Variants in AARS1 observed in about 807,000 individuals in gnomAD.
AARS1 encodes alanyl-tRNA synthetase 1.
In AARS1, 72 loss-of-function variants were observed where a neutral mutation model predicts 108.9. The ratio of observed to expected loss-of-function variants is 0.66; its 90% CI spans 0.55 to 0.80. The LOEUF (loss-of-function observed/expected upper bound fraction) is 0.80. Among genes scored for constraint, AARS1 ranks in the 30% least tolerant of loss-of-function variants. The pLI, the probability that AARS1 is intolerant of heterozygous loss-of-function variation, is 0.00. For missense variants in AARS1, 1,193 were observed against 1,233.2 expected (o/e 0.97, Z 0.49); for synonymous variants, 489 against 465.7 (o/e 1.05, Z -0.64).
intron 3 of AARS1, 131 bp from the exon 4 acceptor site, chr16:70,276,762 T>G (rs970101153): frequency 1.6e-6 from 2 of 1,239,012 alleles, no homozygotes; most frequent in Non-Finnish European, 2.3e-6. Context: ...AAGATCAGTT[T>G]ATGTAAGAAA....
intron 9 of AARS1, 36 bp downstream of exon 9, chr16:70,267,623 C>T (rs756156100): frequency 1.9e-5 from 31 of 1,613,462 alleles, no homozygotes; most frequent in Non-Finnish European, 2.6e-5. Flanking sequence ...AAAGATCAAA[C>T]GGCCAGGATG....
intron 1 of AARS1, among the ~76,000 whole-genome samples, chr16:70,287,333 CAGG>C (rs1362432173): frequency 6.7e-6 from 1 of 149,596 alleles, no homozygotes; most frequent in African/African-American, 2.5e-5. Context: ...GAGGCTGAGT[CAGG>C]AGAATTGCTT....
chr16:70,277,758 C>CTTT (rs573677725), intron 2 of AARS1, among the ~76,000 whole-genome samples: 1 of 137,820 alleles, frequency 7.3e-6, no homozygotes. Flanking sequence ...CCACTAGACA[C>CTTT]TTTTTTTTTT....
At chr16:70,267,027 G>C (rs1393572005) in intron 9 of AARS1, among the ~76,000 whole-genome samples, 1 of 152,018 alleles carries the variant, frequency 6.6e-6, no homozygotes. Context: ...TAGTAGAGAC[G>C]GGGTTTTGCC....
rs567974757 is a variant in AARS1 at position 70,254,302 on chromosome 16, G to A, written c.2401-264C>T. The A allele has an allele frequency of 1.5e-5, 9 of 595,300 alleles. No homozygotes were observed. The East Asian group carries it at 2.0e-4, about 13-fold the overall frequency. 36.9% of individuals were successfully genotyped at this position (595,300 alleles called of 1,614,324 possible). ...ACAGCCTGTGATAAGCTTCCTGGCAGCTTGAAATGCAAATAAATACCAGGC... is the reference window on the plus strand; with the variant it reads ...ACAGCCTGTGATAAGCTTCCTGGCAACTTGAAATGCAAATAAATACCAGGC... On this transcript the variant is annotated intron_variant, in intron 17 of 20. Transcript: ENST00000261772.
At chr16:70,276,006 G>T (rs1019353298) in intron 4 of AARS1, 1 of 148,530 alleles carries the variant, frequency 6.7e-6, no homozygotes, top group Non-Finnish European at 1.5e-5. Context: ...GAGGTCAGGA[G>T]TTCGAGACCA....
At chr16:70,260,940 G>C (rs1960117404) in intron 13 of AARS1, 104 bp downstream of exon 13, 2 of 880,566 alleles carry the variant, frequency 2.3e-6, no homozygotes. Flanking sequence ...GGGATTACAA[G>C]TGTGAGCCAC....
intron 7 of AARS1, among the ~76,000 whole-genome samples, chr16:70,269,322 G>GAAAAAAAAAAAAAAAAAAA (rs56394253): frequency 1.7e-4 from 11 of 64,264 alleles, no homozygotes; most frequent in African/African-American, 7.2e-4. Context: ...TTCTGTCTCA[G>GAAAAAAAAAAAAAAAAAAA]AAAAAAAAAA....
intron 15 of AARS1, among the ~76,000 whole-genome samples, chr16:70,256,992 G>A (rs183515308): frequency 6.6e-6 from 1 of 152,152 alleles, no homozygotes; most frequent in African/African-American, 2.4e-5. Context: ...GCTCACACCT[G>A]TAATCCCAGC....
At position 70,269,717 on chromosome 16, in the gene AARS1, G is replaced by A. The variant is rs1484497128; in HGVS notation, c.863C>T (p.Ala288Val). ...PYTGKVGAED[A>V]DGIDMAYRVL... ...CCGGTAGGCCATGTCAATCCCATCG[G>A]CATCCTCAGCACCAACTTTCCCAGT... The change falls in exon 7 of 21, where the codon GCC becomes GTC. Residue 288 changes from alanine to valine, a missense_variant. Ala to Val is a moderately conservative substitution (Grantham distance 64). Transcript: ENST00000261772. 1.2e-6 allele frequency: 2 copies of A among 1,614,092 alleles called. No individual in the cohort carries two copies. Among genetic ancestry groups the A allele is most frequent in the South Asian group, 2.2e-5 (2 of 91,074 alleles).
chr16:70,271,934 T>C lies in AARS1; in HGVS notation c.518A>G (p.Asp173Gly), dbSNP rs765398055. The C allele has an allele frequency of 3.3e-5, 54 of 1,614,006 alleles. No individual in the cohort carries two copies. Among genetic ancestry groups the C allele is most frequent in the Non-Finnish European group, 3.4e-6 (4 of 1,180,032 alleles). ...DTKILPGNMK[D>G]NFWEMGDTGP... is the part of the protein sequence containing the mutation. ...CGTGTCACCCATCTCCCAGAAGTTA[T>C]CCTTCATGTTGCCTGGGAGGATTTT... The change falls in exon 5 of 21, where the codon GAT becomes GGT. Residue 173 changes from aspartate to glycine, a missense_variant. Transcript: ENST00000261772.
chr16:70,278,495 G>A (rs959339210), intron 2 of AARS1, among the ~76,000 whole-genome samples: 5 of 151,430 alleles, frequency 3.3e-5, no homozygotes. Context: ...AACCCGGGAG[G>A]CAGAGGTTGC....
chr16:70,255,193 C>CTTTT (rs1567601605), intron 16 of AARS1, among the ~76,000 whole-genome samples: 10 of 124,738 alleles, frequency 8.0e-5, no homozygotes, highest in African/African-American at 2.9e-4. Flanking sequence ...GCCAGATTCA[C>CTTTT]ATTTTTTTTT....
In AARS1 at chr16:70,269,774, G is replaced by A. The variant is rs775972443; in HGVS notation, c.817-11C>T. 107 of 1,613,930 alleles carry A rather than the reference G, an allele frequency of 6.6e-5. No homozygotes were observed. Among genetic ancestry groups the A allele is most frequent in the Non-Finnish European group, 9.0e-5 (106 of 1,180,044 alleles). ...TCGGGCACCTGTGCCCTATAGATAA[G>A]AATCAGGAGGCAGCCCTTTAGGAAG... On this transcript the variant is annotated splice_polypyrimidine_tract_variant and intron_variant, in intron 6 of 20. Coordinates refer to ENST00000261772, the MANE Select transcript of AARS1 (RefSeq NM_001605.3).
intron 19 of AARS1, 148 bp from the exon 20 acceptor site, chr16:70,253,529 G>A (rs1959899816): frequency 1.6e-5 from 16 of 997,436 alleles, no homozygotes; most frequent in South Asian, 1.5e-4. Flanking sequence ...GGACCCCAGC[G>A]CCGGGCCCTG....
At chr16:70,287,117 A>G (rs775201) in intron 1 of AARS1, among the ~76,000 whole-genome samples, 9 of 151,214 alleles carry the variant, frequency 6.0e-5, no homozygotes, top group East Asian at 2.0e-4. Flanking sequence ...CGGGCGTGGT[A>G]GCGGGCGCCT....
chr16:70,255,060 C>A (rs1436289792), intron 16 of AARS1, among the ~76,000 whole-genome samples: 1 of 152,140 alleles, frequency 6.6e-6, no homozygotes. Flanking sequence ...AGCACCCATC[C>A]TCTACTGCAC....
Position 70,253,358 on chromosome 16 carries a change from G to A in AARS1, c.2631C>T (p.Leu877=), listed in dbSNP as rs752759794. The change falls in exon 20 of 21, where the codon CTC becomes CTT. Residue 877 remains leucine, a synonymous_variant. Transcript: ENST00000261772. The part of the protein sequence containing the change: ...SAKALNEALK[L]FKMHSPQTSA... The stretch of plus-strand genomic sequence containing the variant: ...AAGTCTGAGGGGAGTGCATCTTGAA[G>A]AGCTTCAAGGCTTCATTCAGGGCCT... The A allele has an allele frequency of 6.2e-7, 1 of 1,614,144 alleles. No individual in the cohort carries two copies. Among genetic ancestry groups the A allele is most frequent in the Non-Finnish European group, 8.5e-7 (1 of 1,179,982 alleles).
intron 19 of AARS1, 103 bp from the exon 20 acceptor site, chr16:70,253,484 C>A: frequency 9.0e-7 from 1 of 1,109,486 alleles, no homozygotes; most frequent in Non-Finnish European, 1.3e-6. Flanking sequence ...CCTACCCCTT[C>A]CCAGAGCAGG....
Sources: allele counts gnomAD v4.1 joint callset (sites outside exome capture counted in the v4.1 genomes callset), GRCh38; gene constraint gnomAD v4.1.1; transcripts MANE v1.5; gene names NCBI Gene and HGNC (gene_info 2026-07-23, HGNC 2026-07-21).